Variants in ZNF827 observed in about 807,000 individuals in gnomAD.
The protein encoded by ZNF827 is zinc finger protein 827.
In ZNF827, 13 loss-of-function variants were observed where a neutral mutation model predicts 102.4. The observed-to-expected ratio is 0.13, with a 90% CI of 0.08 to 0.20. The LOEUF (loss-of-function observed/expected upper bound fraction) is 0.20. Among genes scored for constraint, ZNF827 ranks in the 10% least tolerant of loss-of-function variants. The pLI is 1.00. For missense variants in ZNF827, 1,103 were observed against 1,344.4 expected (o/e 0.82, Z 2.81); for synonymous variants, 523 against 536.2 (o/e 0.98, Z 0.34).
intron 5 of ZNF827, among the ~76,000 whole-genome samples, chr4:145,858,800 C>T (rs1313943496): frequency 1.3e-5 from 2 of 152,010 alleles, no homozygotes; most frequent in African/African-American, 4.8e-5. Context: ...CCTTAATGCC[C>T]AAGGAGGGAA....
At chr4:145,906,880 T>C (rs918702070) in intron 1 of ZNF827, among the ~76,000 whole-genome samples, 1 of 152,238 alleles carries the variant, frequency 6.6e-6, no homozygotes, top group Non-Finnish European at 1.5e-5. Context: ...CAAGAAAACT[T>C]GGATGCATGA....
intron 13 of ZNF827, chr4:145,764,633 A>G (rs1053034075): frequency 2.4e-5 from 6 of 252,258 alleles, no homozygotes; most frequent in African/African-American, 1.4e-4. Context: ...TCTCGGTCAC[A>G]GTATGATTTA....
At chr4:145,836,031 C>T (rs373120471) in intron 7 of ZNF827, among the ~76,000 whole-genome samples, 5 of 151,576 alleles carry the variant, frequency 3.3e-5, no homozygotes, top group African/African-American at 1.2e-4. Context: ...TTGCACCCTT[C>T]ATCCCAGCCT....
intron 8 of ZNF827, among the ~76,000 whole-genome samples, chr4:145,814,586 T>A (rs1413930099): frequency 6.8e-6 from 1 of 146,312 alleles, no homozygotes; most frequent in Non-Finnish European, 1.5e-5. Context: ...TTGCTACCAG[T>A]GTTTCCTGGT....
intron 1 of ZNF827, among the ~76,000 whole-genome samples, chr4:145,915,823 T>C (rs1425195907): frequency 6.6e-6 from 1 of 152,198 alleles, no homozygotes; most frequent in African/African-American, 2.4e-5. Context: ...GCTGTAAGCC[T>C]GTAAAATTAA....
intron 8 of ZNF827, among the ~76,000 whole-genome samples, chr4:145,785,370 C>T (rs542327887): frequency 2.0e-4 from 31 of 152,148 alleles, no homozygotes; most frequent in Non-Finnish European, 2.9e-4. Context: ...CAAAAACTTT[C>T]CTTAATTAAA....
intron 1 of ZNF827, among the ~76,000 whole-genome samples, chr4:145,905,142 G>A (rs1187273569): frequency 6.6e-6 from 1 of 152,204 alleles, no homozygotes; most frequent in African/African-American, 2.4e-5. Context: ...TAGAGGGCAG[G>A]AATTGTATTT....
intron 11 of ZNF827, among the ~76,000 whole-genome samples, chr4:145,771,810 G>A (rs1736330398): frequency 6.6e-6 from 1 of 152,196 alleles, no homozygotes. Flanking sequence ...ACTTCACTTA[G>A]GTAACAAGAT....
chr4:145,863,613 A>G (rs888824676), intron 5 of ZNF827, among the ~76,000 whole-genome samples: 1 of 152,184 alleles, frequency 6.6e-6, no homozygotes, highest in Admixed American at 6.5e-5. Context: ...ACATTATGCT[A>G]AGTGAGAGAA....
Position 145,870,358 on chromosome 4 carries a change from A to G in ZNF827, c.1868T>C (p.Val623Ala), listed in dbSNP as rs769638817. 2.5e-6 allele frequency: 4 copies of G among 1,614,138 alleles called. No homozygotes were observed. The highest frequency in any genetic ancestry group is 3.4e-6 in the Non-Finnish European group (4 of 1,180,010). The change falls in exon 5 of 15, where the codon GTG becomes GCG. Residue 623 changes from valine to alanine, a missense_variant. By Grantham distance (64) the Val-to-Ala change is moderately conservative. Around this residue, in one of 5 missense-constraint regions of ZNF827, gnomAD observed 243 missense variants for 251.6 expected, o/e 0.97. Coordinates refer to ENST00000508784, the MANE Select transcript of ZNF827 (RefSeq NM_001306215.2). The stretch of plus-strand genomic sequence containing the variant: ...GTCCTCAGAGACGCCTGGGGCTGAC[A>G]CTTCAGATTCCGGGCTGAACACATA... ...SSYVFSPESE[V>A]SAPGVSEDAL...
At chr4:145,849,923 GGTAA>G (rs1278172423) in intron 5 of ZNF827, among the ~76,000 whole-genome samples, 1 of 152,134 alleles carries the variant, frequency 6.6e-6, no homozygotes, top group East Asian at 1.9e-4. Flanking sequence ...GAGAGGACAC[GGTAA>G]GTGTTTGTTC....
chr4:145,791,138 C>G (rs1026962975), intron 8 of ZNF827, among the ~76,000 whole-genome samples: 1 of 152,214 alleles, frequency 6.6e-6, no homozygotes, highest in Non-Finnish European at 1.5e-5. Context: ...TTATAAACCA[C>G]AGAAATGTTT....
intron 7 of ZNF827, among the ~76,000 whole-genome samples, chr4:145,825,695 G>C (rs1392524731): frequency 1.3e-5 from 2 of 152,150 alleles, no homozygotes; most frequent in Non-Finnish European, 2.9e-5. Context: ...AGTGGCAATG[G>C]GCTAGCACTG....
rs751229852 is a variant in ZNF827 at position 145,902,220 on chromosome 4, C to T, written c.1039G>A (p.Glu347Lys). ...TTAGGAACTGGGAGTAATAATAATTCCAGGGATTGTGGTGGTGGTGGTGGA... is the reference window on the plus strand; with the variant it reads ...TTAGGAACTGGGAGTAATAATAATTTCAGGGATTGTGGTGGTGGTGGTGGA... ...PPPPPPPQSL[E>K]LLLLPVPKGR... Residue 347 changes from glutamate to lysine, a missense_variant, in exon 2 of 15, where the codon GAA (glutamate) becomes AAA (lysine). Transcript: ENST00000508784. The surrounding 1 kb of genome is among the most constrained non-coding windows in gnomAD (Gnocchi z 4.3). The T allele has an allele frequency of 1.2e-6, 2 of 1,606,926 alleles. No individual in the cohort carries two copies. The highest frequency in any genetic ancestry group is 1.7e-6 in the Non-Finnish European group (2 of 1,177,342).
rs567948996 is a variant in ZNF827 at position 145,763,895 on chromosome 4, C to T, written c.3231-773G>A. Among the ~76,000 whole-genome samples the T allele has an allele frequency of 4.6e-5, 7 of 150,968 alleles. No homozygotes were observed. The highest frequency in any genetic ancestry group is 2.0e-4 in the East Asian group (1 of 5,038). On this transcript the variant is annotated intron_variant, in intron 13 of 14. Coordinates refer to ENST00000508784, the MANE Select transcript of ZNF827 (RefSeq NM_001306215.2). The surrounding 1 kb of genome is among the most constrained non-coding windows in gnomAD (Gnocchi z 4.6). The stretch of plus-strand genomic sequence containing the variant: ...AAGAGTGAAACGAAATGGAGTTCAA[C>T]GGAGGTCCTGTTGTTCCCTGACTCT...
intron 11 of ZNF827, among the ~76,000 whole-genome samples, chr4:145,773,235 C>T (rs1453424642): frequency 6.6e-6 from 1 of 152,196 alleles, no homozygotes; most frequent in African/African-American, 2.4e-5. Flanking sequence ...CACCTGCTGC[C>T]CACAGGCTAA....
intron 5 of ZNF827, among the ~76,000 whole-genome samples, chr4:145,857,566 C>T (rs562791661): frequency 1.1e-4 from 16 of 152,334 alleles, no homozygotes; most frequent in African/African-American, 3.6e-4. Flanking sequence ...GAGTTTTCAA[C>T]TTGATTCTGG....
chr4:145,775,258 T>G (rs1012158817), intron 10 of ZNF827, among the ~76,000 whole-genome samples: 4 of 152,160 alleles, frequency 2.6e-5, no homozygotes, highest in Admixed American at 2.6e-4. Flanking sequence ...GGACAAGATT[T>G]GACAGCCAGA....
At chr4:145,874,200 G>A (rs1191988128) in intron 4 of ZNF827, among the ~76,000 whole-genome samples, 1 of 152,128 alleles carries the variant, frequency 6.6e-6, no homozygotes, top group African/African-American at 2.4e-5. Context: ...GGATTTAATA[G>A]AACTTCAAAA....
Sources: allele counts gnomAD v4.1 joint callset (sites outside exome capture counted in the v4.1 genomes callset), GRCh38; gene constraint gnomAD v4.1.1; regional missense constraint gnomAD v4.1.1; non-coding constraint Gnocchi (gnomAD v3.1); transcripts MANE v1.5; gene names NCBI Gene and HGNC (gene_info 2026-07-23, HGNC 2026-07-21).